Variants in IKZF1 observed in about 807,000 individuals in gnomAD.
The protein encoded by IKZF1 is DNA-binding protein Ikaros.
A neutral mutation model predicts 51.7 loss-of-function variants in IKZF1; 10 were observed. The observed-to-expected ratio is 0.19, with a 90% CI of 0.12 to 0.33. The LOEUF (loss-of-function observed/expected upper bound fraction) is 0.33. IKZF1 is among the 10% of genes least tolerant of loss of function. The probability of loss-of-function intolerance (pLI) is 1.00; values close to 1 mark genes in which losing one functional copy is unlikely to be tolerated. For missense variants in IKZF1, 484 were observed against 707.5 expected (o/e 0.68, Z 3.58); for synonymous variants, 280 against 282.3 (o/e 0.99, Z 0.08).
At chr7:50,378,359 G>A (rs1182084819) in intron 4 of IKZF1, among the ~76,000 whole-genome samples, 1 of 152,158 alleles carries the variant, frequency 6.6e-6, no homozygotes, top group Non-Finnish European at 1.5e-5. Flanking sequence ...AAGCGTGCAT[G>A]AGAGTAGTCC....
chr7:50,386,784 A>G (rs1813503574), intron 5 of IKZF1, among the ~76,000 whole-genome samples: 1 of 152,204 alleles, frequency 6.6e-6, no homozygotes, highest in Admixed American at 6.6e-5. Flanking sequence ...GTAAGAAAAT[A>G]CATTTGTGCA....
At chr7:50,377,635 C>G (rs1290302984) in intron 4 of IKZF1, among the ~76,000 whole-genome samples, 2 of 152,242 alleles carry the variant, frequency 1.3e-5, no homozygotes, top group African/African-American at 4.8e-5. Context: ...TCCAACAGAA[C>G]TGTCCAGTCA....
intron 7 of IKZF1, among the ~76,000 whole-genome samples, chr7:50,398,442 C>T (rs901386828): frequency 6.6e-6 from 1 of 152,206 alleles, no homozygotes; most frequent in African/African-American, 2.4e-5. Context: ...CCCTTCAGAA[C>T]TTTCCTTCTT....
chr7:50,372,485 C>A (rs1242338116), intron 3 of IKZF1, among the ~76,000 whole-genome samples: 1 of 152,240 alleles, frequency 6.6e-6, no homozygotes, highest in African/African-American at 2.4e-5. Flanking sequence ...TCAGCATCTG[C>A]CATCTAACTT....
intron 3 of IKZF1, among the ~76,000 whole-genome samples, chr7:50,346,152 A>G (rs150082160): frequency 1.3e-5 from 2 of 152,180 alleles, no homozygotes; most frequent in Non-Finnish European, 1.5e-5. Flanking sequence ...AGCCATGTGC[A>G]CGGTGTGTTT....
intron 3 of IKZF1, among the ~76,000 whole-genome samples, chr7:50,358,842 A>T (rs1391246625): frequency 5.6e-5 from 6 of 107,320 alleles, no homozygotes; most frequent in African/African-American, 2.7e-4. Context: ...ACTATATATT[A>T]CAAAGTCCTT....
chr7:50,391,260 T>C (rs1013712253), intron 6 of IKZF1, among the ~76,000 whole-genome samples: 10 of 152,356 alleles, frequency 6.6e-5, no homozygotes, highest in Admixed American at 4.6e-4. Flanking sequence ...CCAGATCTGC[T>C]GTAGGCTCTT....
chr7:50,336,324 G>A (rs1262757536), intron 3 of IKZF1, among the ~76,000 whole-genome samples: 1 of 152,144 alleles, frequency 6.6e-6, no homozygotes, highest in Non-Finnish European at 1.5e-5. Context: ...AGGCACGCAT[G>A]TGCTGGTGAA....
intron 7 of IKZF1, among the ~76,000 whole-genome samples, chr7:50,392,996 G>T (rs1815606354): frequency 6.6e-6 from 1 of 152,198 alleles, no homozygotes; most frequent in Admixed American, 6.5e-5. Context: ...CAGATGCCAG[G>T]TGAGCGAGGG....
intron 3 of IKZF1, among the ~76,000 whole-genome samples, chr7:50,329,306 A>G (rs1474188626): frequency 6.6e-6 from 1 of 152,200 alleles, no homozygotes; most frequent in African/African-American, 2.4e-5. Flanking sequence ...CTATATGTGG[A>G]AAGTAGAGGG....
intron 3 of IKZF1, among the ~76,000 whole-genome samples, chr7:50,343,547 G>A (rs1207038306): frequency 6.6e-6 from 1 of 152,200 alleles, no homozygotes; most frequent in African/African-American, 2.4e-5. Context: ...AAATGAATTA[G>A]GGATTTCCTG....
intron 3 of IKZF1, among the ~76,000 whole-genome samples, chr7:50,360,044 C>T (rs1001447474): frequency 6.6e-6 from 1 of 152,136 alleles, no homozygotes. Context: ...TACCCATGGC[C>T]GAGAGCGGCG....
chr7:50,382,771 C>G, intron 5 of IKZF1, 64 bp downstream of exon 5: 1 of 1,522,380 alleles, frequency 6.6e-7, no homozygotes, highest in Non-Finnish European at 8.8e-7. Flanking sequence ...CTCTGCCCGC[C>G]TGGGTCCCGG....
chr7:50,387,241 ATT>A (rs148213614), intron 5 of IKZF1, 102 bp from the exon 6 acceptor site: 2 of 1,332,682 alleles, frequency 1.5e-6, no homozygotes, highest in East Asian at 2.8e-5. Flanking sequence ...CAAGGGTAGA[ATT>A]TTTTTTTTAA....
chr7:50,368,357 G>C (rs763295557), intron 3 of IKZF1: 2 of 696,186 alleles, frequency 2.9e-6, no homozygotes, highest in Non-Finnish European at 5.3e-6. Context: ...ACAGCTTTGA[G>C]ATTACTCCTG....
At chr7:50,339,669 G>C (rs1270456144) in intron 3 of IKZF1, among the ~76,000 whole-genome samples, 1 of 151,788 alleles carries the variant, frequency 6.6e-6, no homozygotes, top group Non-Finnish European at 1.5e-5. Context: ...CAGAAGAATC[G>C]CTTGAATTCG....
At chr7:50,330,049 G>C (rs1384039682) in intron 3 of IKZF1, among the ~76,000 whole-genome samples, 4 of 152,142 alleles carry the variant, frequency 2.6e-5, no homozygotes, top group African/African-American at 7.2e-5. Flanking sequence ...TATCTGGTTG[G>C]CATTACTGAT....
intron 3 of IKZF1, among the ~76,000 whole-genome samples, chr7:50,363,127 A>G (rs941060509): frequency 3.9e-5 from 6 of 152,216 alleles, no homozygotes; most frequent in African/African-American, 1.2e-4. Flanking sequence ...TGGGCTACAT[A>G]GGAGAGCTGG....
intron 2 of IKZF1, among the ~76,000 whole-genome samples, chr7:50,321,783 G>A (rs1388132224): frequency 6.6e-6 from 1 of 152,072 alleles, no homozygotes; most frequent in Non-Finnish European, 1.5e-5. Context: ...TTCTCCTCTG[G>A]TAGTTTTCTT....
Sources: allele counts gnomAD v4.1 joint callset (sites outside exome capture counted in the v4.1 genomes callset), GRCh38; gene constraint gnomAD v4.1.1; transcripts MANE v1.5; gene names NCBI Gene and HGNC (gene_info 2026-07-23, HGNC 2026-07-21).